The following DPP8 variants were observed in gnomAD, a reference collection of about 807,000 sequenced individuals.
DPP8 encodes the protein dipeptidyl peptidase 8.
Under a neutral mutation model 107.5 loss-of-function variants are expected in DPP8, and 31 were observed. The ratio of observed to expected loss-of-function variants is 0.29; its 90% CI spans 0.22 to 0.39. The LOEUF (loss-of-function observed/expected upper bound fraction) is 0.39, where lower values mean the gene tolerates loss of function less well. Ranked by LOEUF, DPP8 falls within the 10% of genes least tolerant of loss-of-function variation. DPP8 has a pLI of 1.00. For missense variants in DPP8, 842 were observed against 1,076.1 expected (o/e 0.78, Z 3.04); for synonymous variants, 381 against 356.6 (o/e 1.07, Z -0.77).
intron 15 of DPP8, among the ~76,000 whole-genome samples, chr15:65,463,109 CTT>C (rs1350256594): frequency 6.6e-6 from 1 of 152,202 alleles, no homozygotes; most frequent in Non-Finnish European, 1.5e-5. Flanking sequence ...TGTTAAGACT[CTT>C]TTGATTTACC....
At chr15:65,468,063 C>T (rs2065515263) in intron 12 of DPP8, among the ~76,000 whole-genome samples, 1 of 152,146 alleles carries the variant, frequency 6.6e-6, no homozygotes, top group African/African-American at 2.4e-5. Context: ...TTTAAGTCTT[C>T]ATTCAGAACT....
intron 16 of DPP8, among the ~76,000 whole-genome samples, chr15:65,455,203 G>C (rs1011965154): frequency 6.6e-6 from 1 of 152,096 alleles, no homozygotes; most frequent in African/African-American, 2.4e-5. Context: ...TGTGACCAGG[G>C]ATCACTGTAG....
rs770667409 is a variant in DPP8 at position 65,445,315 on chromosome 15, A to G, written c.*1569T>C. ...GCAAATTTTCTTGGAGTGTTGTTTA[A>G]AAGTATTGGTAATAACTTTCTAAAC... On this transcript the variant is annotated 3_prime_UTR_variant, in exon 20 of 20. Transcript: ENST00000300141. The G allele has an allele frequency of 6.6e-6, 1 of 152,346 alleles. No individual in the cohort carries two copies. The highest frequency in any genetic ancestry group is 2.1e-4 in the South Asian group (1 of 4,830). The allele number at this position is 152,346 out of a possible 1,614,324, so 9.4% of individuals were successfully genotyped here.
At chr15:65,472,396 C>T (rs1296065662) in intron 12 of DPP8, among the ~76,000 whole-genome samples, 1 of 152,166 alleles carries the variant, frequency 6.6e-6, no homozygotes, top group Non-Finnish European at 1.5e-5. Flanking sequence ...TGCACTCAAG[C>T]GATTCTCCTG....
chr15:65,448,734 TA>T (rs1251600554), intron 19 of DPP8, among the ~76,000 whole-genome samples: 1 of 124,626 alleles, frequency 8.0e-6, no homozygotes, highest in African/African-American at 3.5e-5. Context: ...AAAATATACA[TA>T]TATATCTAAA....
At chr15:65,470,547 A>G (rs940709794) in intron 12 of DPP8, among the ~76,000 whole-genome samples, 2 of 150,076 alleles carry the variant, frequency 1.3e-5, no homozygotes, top group Non-Finnish European at 2.9e-5. Context: ...CAGAGGTTAC[A>G]GTGAGCCAAC....
Position 65,451,079 on chromosome 15 carries a change from G to C in DPP8, c.2446C>G (p.Leu816Val). Residue 816 changes from leucine (L) to valine (V), a missense_variant, in exon 19 of 20, where the codon CTG becomes GTG. Around this residue, in one of 2 missense-constraint regions of DPP8, gnomAD observed 179 missense variants for 318.0 expected, o/e 0.56. Transcript: ENST00000300141. ...TGTGCAAAATGGACATTCTCATCCA[G>C]GAAACCATGTAAGAGCAGTAAACGA... ...PNRLLLLHGF[L>V]DENVHFAHTS... The C allele has an allele frequency of 1.2e-6, 2 of 1,612,766 alleles. No homozygotes were observed. Among genetic ancestry groups the C allele is most frequent in the Non-Finnish European group, 1.7e-6 (2 of 1,179,256 alleles).
At chr15:65,448,854 T>C (rs2063701174) in intron 19 of DPP8, among the ~76,000 whole-genome samples, 1 of 110,934 alleles carries the variant, frequency 9.0e-6, no homozygotes, top group Non-Finnish European at 1.8e-5. Context: ...AAAATATACA[T>C]ATATATCTAA....
In DPP8 at chr15:65,451,600, A is replaced by G. The variant is rs762271810; in HGVS notation, c.2414+360T>C. 2.8e-4 allele frequency among the ~76,000 whole-genome samples: 42 copies of G among 152,192 alleles called. 1 individual carries two copies. The highest frequency in any genetic ancestry group is 3.8e-4 in the Non-Finnish European group (26 of 68,040). On this transcript the variant is annotated intron_variant, in intron 18 of 19. Transcript: ENST00000300141. ...TTAGGATTAAAGACAATTTTTTAAAATACAATTGAAAATTTATAATCTTCA... is the reference window on the plus strand; with the variant it reads ...TTAGGATTAAAGACAATTTTTTAAAGTACAATTGAAAATTTATAATCTTCA...
In DPP8 at chr15:65,474,149, T is replaced by A. The variant is rs528581877; in HGVS notation, c.1536+60A>T. On this transcript the variant is annotated intron_variant, in intron 12 of 19. Coordinates refer to ENST00000300141, the MANE Select transcript of DPP8 (RefSeq NM_130434.5). ...TCATATTAAATTACATTACTCATTT[T>A]TAGCACTGCATTCACACAGTAATAC... is the stretch of plus-strand genomic sequence containing the variant. The A allele has an allele frequency of 5.8e-6, 7 of 1,211,220 alleles. No individual in the cohort carries two copies. In the East Asian group the frequency reaches 1.6e-4, roughly 28 times the overall value. 75.0% of individuals were successfully genotyped at this position (1,211,220 alleles called of 1,614,324 possible).
chr15:65,511,915 G>A, intron 2 of DPP8: 1 of 321,292 alleles, frequency 3.1e-6, no homozygotes, highest in Non-Finnish European at 6.2e-6. Context: ...GATTCAGGAA[G>A]AAGAGACCAA....
At chr15:65,452,452 CT>C (rs901533865) in intron 17 of DPP8, among the ~76,000 whole-genome samples, 38 of 147,376 alleles carry the variant, frequency 2.6e-4, no homozygotes, top group Admixed American at 6.8e-4. Context: ...AAGGAGCCAC[CT>C]TTTTTTTTTA....
chr15:65,503,728 T>C (rs1260650928), intron 3 of DPP8, among the ~76,000 whole-genome samples: 1 of 152,130 alleles, frequency 6.6e-6, no homozygotes, highest in Non-Finnish European at 1.5e-5. Context: ...GTTCAATCGA[T>C]TCTCCCACCT....
intron 2 of DPP8, among the ~76,000 whole-genome samples, chr15:65,511,276 AAAAG>A (rs1292333115): frequency 2.6e-5 from 4 of 152,174 alleles, no homozygotes; most frequent in Non-Finnish European, 4.4e-5. Flanking sequence ...GAGTTGTTAA[AAAAG>A]AAAGAATCCT....
At chr15:65,514,558 G>A (rs1192020353) in intron 1 of DPP8, among the ~76,000 whole-genome samples, 3 of 152,196 alleles carry the variant, frequency 2.0e-5, no homozygotes, top group Admixed American at 6.5e-5. Flanking sequence ...ACCCAGGGTA[G>A]AGTGCAGTGG....
At position 65,512,471 on chromosome 15, in the gene DPP8, T is replaced by A. The variant is rs773008187; in HGVS notation, c.83A>T (p.Asp28Val). 1.2e-6 allele frequency: 2 copies of A among 1,614,200 alleles called. No individual in the cohort carries two copies. The highest frequency in any genetic ancestry group is 1.7e-6 in the Non-Finnish European group (2 of 1,180,026). The change falls in exon 2 of 20, where the codon GAT becomes GTT. Residue 28 changes from aspartate (D) to valine (V), a missense_variant. Transcript: ENST00000300141. ...ATAAAAAGGCTCCAATTTAGGCCGA[T>A]CCTGTGATTCAATATTCTCCTCACA... ...ADCEENIESQ[D>V]RPKLEPFYVE...
At chr15:65,502,966 G>C (rs1325151476) in intron 3 of DPP8, 1 of 152,170 alleles carries the variant, frequency 6.6e-6, no homozygotes, top group African/African-American at 2.4e-5. Flanking sequence ...CATCACGTAT[G>C]CATGGATTGG....
intron 19 of DPP8, among the ~76,000 whole-genome samples, chr15:65,449,712 A>G (rs1243043276): frequency 1.3e-5 from 2 of 151,928 alleles, no homozygotes; most frequent in Non-Finnish European, 2.9e-5. Flanking sequence ...GACCGGCCCC[A>G]TTTCATAACT....
chr15:65,462,382 T>G (rs1405689994), intron 15 of DPP8, among the ~76,000 whole-genome samples: 1 of 152,206 alleles, frequency 6.6e-6, no homozygotes, highest in African/African-American at 2.4e-5. Flanking sequence ...GTTATTTTAC[T>G]TTTTTTGTGT....
Sources: allele counts gnomAD v4.1 joint callset (sites outside exome capture counted in the v4.1 genomes callset), GRCh38; gene constraint gnomAD v4.1.1; regional missense constraint gnomAD v4.1.1; transcripts MANE v1.5; gene names NCBI Gene and HGNC (gene_info 2026-07-23, HGNC 2026-07-21).